Variants in MYOM1 observed in about 807,000 individuals in gnomAD.
MYOM1 encodes myomesin-1.
A neutral mutation model predicts 205.3 loss-of-function variants in MYOM1; 164 were observed. That is an observed-to-expected ratio of 0.80 (90% CI 0.70 to 0.91). The LOEUF (loss-of-function observed/expected upper bound fraction) is 0.91. MYOM1 is among the 40% of genes least tolerant of loss of function. The probability of loss-of-function intolerance (pLI) is 0.00; values close to 1 mark genes in which losing one functional copy is unlikely to be tolerated. For synonymous variants in MYOM1, 772 were observed against 789.4 expected, an observed-to-expected ratio of 0.98 and a Z score of 0.37; for missense variants, 2,011 against 2,127.3, an observed-to-expected ratio of 0.95 and a Z score of 1.08.
chr18:3,127,306 T>TATTTA (rs1555620546), intron 18 of MYOM1, among the ~76,000 whole-genome samples: 1 of 36,448 alleles, frequency 2.7e-5, no homozygotes, highest in Non-Finnish European at 4.9e-5. Context: ...TATATATATA[T>TATTTA]TTTTTTTTTT....
upstream of MYOM1, among the ~76,000 whole-genome samples, chr18:3,224,071 C>CA (rs2081342527): frequency 6.6e-6 from 1 of 151,240 alleles, no homozygotes; most frequent in Admixed American, 6.6e-5. Flanking sequence ...CTGTGTCACC[C>CA]AGGCTGGAGT....
chr18:3,157,933 T>C (rs2080325613), intron 10 of MYOM1, among the ~76,000 whole-genome samples: 1 of 151,898 alleles, frequency 6.6e-6, no homozygotes, highest in Non-Finnish European at 1.5e-5. Context: ...CCAAACTTTT[T>C]ATAAGTTTGA....
chr18:3,088,811 G>A (rs1250221576), intron 29 of MYOM1, among the ~76,000 whole-genome samples: 1 of 152,130 alleles, frequency 6.6e-6, no homozygotes, highest in East Asian at 1.9e-4. Context: ...AATTTACATG[G>A]CAAGGTCCAC....
chr18:3,123,827 A>ATTTTTTTTTTTTTTTTTTTTTTTT (rs5822739), intron 19 of MYOM1, among the ~76,000 whole-genome samples: 2 of 147,380 alleles, frequency 1.4e-5, no homozygotes, highest in African/African-American at 5.2e-5. Context: ...ATTTTTATTT[A>ATTTTTTTTTTTTTTTTTTTTTTTT]TTTATTTTTT....
chr18:3,174,559 T>G (rs1325936774), intron 6 of MYOM1, among the ~76,000 whole-genome samples: 1 of 152,162 alleles, frequency 6.6e-6, no homozygotes, highest in East Asian at 1.9e-4. Flanking sequence ...CTTACTTGTC[T>G]AAAGTTGCAT....
In MYOM1 at chr18:3,086,064, C is replaced by T; in HGVS notation, c.4225G>A (p.Gly1409Ser). Residue 1409 changes from glycine to serine, a missense_variant, in exon 30 of 38, where the codon GGT becomes AGT. Coordinates refer to ENST00000356443, the MANE Select transcript of MYOM1 (RefSeq NM_003803.4). Reference sequence around the variant, plus strand: ...TCTGTTATAAGCAGGGTACATATACCATCCTTAAAGTCATGCTTTTCATCC... The same window carrying T: ...TCTGTTATAAGCAGGGTACATATACTATCCTTAAAGTCATGCTTTTCATCC... ...SVDEKHDFKD[G>S]ICTLLITEFS... is the part of the protein sequence containing the mutation. The T allele has an allele frequency of 6.2e-7, 1 of 1,608,814 alleles. No homozygotes were observed. Among genetic ancestry groups the T allele is most frequent in the African/African-American group, 1.3e-5 (1 of 74,932 alleles).
Position 3,102,553 on chromosome 18 carries a change from T to C in MYOM1, c.3496A>G (p.Lys1166Glu), listed in dbSNP as rs762245646. The C allele has an allele frequency of 8.1e-6, 13 of 1,613,830 alleles. No homozygotes were observed. Among genetic ancestry groups the C allele is most frequent in the Non-Finnish European group, 1.1e-5 (13 of 1,179,880 alleles). The change falls in exon 23 of 38, where the codon AAG becomes GAG. Residue 1166 changes from lysine to glutamate, a missense_variant. Transcript: ENST00000356443. ...LNFECDKMTP[K>E]SEFSWSKDYV... ...TCTTTGGACCAGGAGAACTCGGACTTTGGAGTCATCTTATCACACTCGAAG... is the reference window on the plus strand; with the variant it reads ...TCTTTGGACCAGGAGAACTCGGACTCTGGAGTCATCTTATCACACTCGAAG...
chr18:3,072,347 C>G (rs890497033), intron 36 of MYOM1, among the ~76,000 whole-genome samples: 1 of 63,248 alleles, frequency 1.6e-5, no homozygotes, highest in Non-Finnish European at 2.8e-5. Flanking sequence ...CCACCGCACC[C>G]GGCTTTTTTT....
rs1300607114 is a variant in MYOM1 at position 3,089,260 on chromosome 18, A to G, written c.4070-19T>C. On this transcript the variant is annotated intron_variant, in intron 28 of 37. Coordinates refer to ENST00000356443, the MANE Select transcript of MYOM1 (RefSeq NM_003803.4). The stretch of plus-strand genomic sequence containing the variant: ...TGAGGACCTATAAAATTTTAATGAC[A>G]TTAGCAATTACTCTATTAATCACAA... 1 of 1,584,554 alleles carries G rather than the reference A, an allele frequency of 6.3e-7. No individual in the cohort carries two copies. The highest frequency in any genetic ancestry group is 8.7e-7 in the Non-Finnish European group (1 of 1,154,972).
chr18:3,130,112 G>A (rs1007198997), intron 17 of MYOM1, among the ~76,000 whole-genome samples: 5 of 150,420 alleles, frequency 3.3e-5, no homozygotes, highest in African/African-American at 9.8e-5. Context: ...GCGCAATCTC[G>A]GCTCACTGCA....
the MYOM1 span, among the ~76,000 whole-genome samples, chr18:3,231,239 A>G: frequency 6.6e-6 from 1 of 152,256 alleles, no homozygotes; most frequent in Non-Finnish European, 1.5e-5. Flanking sequence ...ACTGAGTGTC[A>G]ATACACTTAA....
Position 3,209,361 on chromosome 18 carries a change from G to A in MYOM1, c.290+5573C>T, listed in dbSNP as rs1419499829. Among the ~76,000 whole-genome samples, 1 of 152,154 alleles carries A rather than the reference G, an allele frequency of 6.6e-6. No individual in the cohort carries two copies. Among genetic ancestry groups the A allele is most frequent in the Non-Finnish European group, 1.5e-5 (1 of 68,024 alleles). On this transcript the variant is annotated intron_variant, in intron 2 of 37. Transcript: ENST00000356443. The surrounding 1 kb of genome is among the most constrained non-coding windows in gnomAD (Gnocchi z 4.0). The stretch of plus-strand genomic sequence containing the variant: ...CACTGCTCGCACATCCGCTCTTACT[G>A]CACATCTGGCCCTGGCTGGACTACA...
At chr18:3,113,694 CT>C (rs1349611873) in intron 21 of MYOM1, among the ~76,000 whole-genome samples, 1 of 151,210 alleles carries the variant, frequency 6.6e-6, no homozygotes, top group Non-Finnish European at 1.5e-5. Context: ...ATTACCAATA[CT>C]GTTAATGTTT....
chr18:3,100,492 G>A, intron 23 of MYOM1, 66 bp from the exon 24 acceptor site: 1 of 1,171,946 alleles, frequency 8.5e-7, no homozygotes, highest in Non-Finnish European at 1.3e-6. Flanking sequence ...TGTTTCCCCT[G>A]AATCTGGGCA....
intron 22 of MYOM1, among the ~76,000 whole-genome samples, chr18:3,103,650 T>TA (rs554076217): frequency 1.3e-5 from 2 of 152,210 alleles, no homozygotes; most frequent in South Asian, 4.2e-4. Context: ...TTAAAAAGCA[T>TA]AAAAAAACCT....
the MYOM1 span, among the ~76,000 whole-genome samples, chr18:3,238,603 C>T: frequency 1.9e-4 from 29 of 152,204 alleles, no homozygotes; most frequent in African/African-American, 6.3e-4. Flanking sequence ...GTTTGTGATA[C>T]GGTACATTAG....
chr18:3,121,010 A>T (rs1475043712), intron 19 of MYOM1, among the ~76,000 whole-genome samples: 1 of 152,246 alleles, frequency 6.6e-6, no homozygotes, highest in Non-Finnish European at 1.5e-5. Flanking sequence ...TTTTCAACAG[A>T]GTATCAGATG....
At position 3,073,964 on chromosome 18, in the gene MYOM1, T is replaced by C. The variant is rs190734621; in HGVS notation, c.4708+1490A>G. The stretch of plus-strand genomic sequence containing the variant: ...TTTTCCTGGTTGTGAGACAAGAACC[T>C]GGATTTAGCTGAACTAAGGAGCAAA... On this transcript the variant is annotated intron_variant, in intron 36 of 37. Transcript: ENST00000356443. Among the ~76,000 whole-genome samples the C allele has an allele frequency of 1.6e-4, 24 of 152,276 alleles. No individual in the cohort carries two copies. The East Asian group carries it at 4.4e-3, about 28-fold the overall frequency.
intron 12 of MYOM1, among the ~76,000 whole-genome samples, chr18:3,150,979 C>CTTTTT (rs1164882266): frequency 1.8e-5 from 1 of 55,906 alleles, no homozygotes; most frequent in Non-Finnish European, 3.6e-5. Context: ...CCATGCCTGG[C>CTTTTT]TTTTTTTTTT....
Sources: allele counts gnomAD v4.1 joint callset (sites outside exome capture counted in the v4.1 genomes callset), GRCh38; gene constraint gnomAD v4.1.1; non-coding constraint Gnocchi (gnomAD v3.1); transcripts MANE v1.5; gene names NCBI Gene and HGNC (gene_info 2026-07-23, HGNC 2026-07-21).